R3HDM1: variants seen among roughly 807,000 people sequenced by gnomAD.
The protein encoded by R3HDM1 is R3H domain containing 1, also known as R3H domain-containing protein 1.
R3HDM1 carries 46 observed loss-of-function variants against 141.1 expected under a neutral mutation model. That is an observed-to-expected ratio of 0.33 (90% confidence interval 0.26 to 0.42). R3HDM1 has a LOEUF of 0.42. R3HDM1 is among the 10% of genes least tolerant of loss of function. The probability of loss-of-function intolerance (pLI) is 1.00; values close to 1 mark genes in which losing one functional copy is unlikely to be tolerated. For synonymous variants in R3HDM1, 435 were observed against 472.9 expected, an observed-to-expected ratio of 0.92 and a Z score of 1.04; for missense variants, 1,184 against 1,368.3, an observed-to-expected ratio of 0.87 and a Z score of 2.12.
At chr2:135,615,696 A>T (rs1350214363) in intron 3 of R3HDM1, among the ~76,000 whole-genome samples, 1 of 152,020 alleles carries the variant, frequency 6.6e-6, no homozygotes, top group Non-Finnish European at 1.5e-5. Flanking sequence ...TTGTGGTTGG[A>T]CTCTGACTTA....
chr2:135,604,357 C>T (rs2059869986), intron 2 of R3HDM1, among the ~76,000 whole-genome samples: 1 of 152,168 alleles, frequency 6.6e-6, no homozygotes, highest in South Asian at 2.1e-4. Context: ...TATTCTCCAG[C>T]CATTACCTTC....
chr2:135,575,657 C>G (rs1451311701), intron 1 of R3HDM1, among the ~76,000 whole-genome samples: 1 of 152,158 alleles, frequency 6.6e-6, no homozygotes, highest in Non-Finnish European at 1.5e-5. Context: ...AGCAGTCAGT[C>G]ACAATGGTAG....
chr2:135,655,936 T>C (rs577452725), intron 18 of R3HDM1, among the ~76,000 whole-genome samples: 1 of 152,334 alleles, frequency 6.6e-6, no homozygotes, highest in South Asian at 2.1e-4. Flanking sequence ...GTCTCTTTGA[T>C]ATTATTGCCA....
intron 1 of R3HDM1, among the ~76,000 whole-genome samples, chr2:135,589,707 A>C (rs1316047911): frequency 1.3e-5 from 2 of 152,026 alleles, no homozygotes; most frequent in African/African-American, 4.8e-5. Flanking sequence ...ATATGTTTCC[A>C]CAGTTTTAGT....
chr2:135,622,570 AG>A (rs2061614063), intron 6 of R3HDM1, 83 bp from the exon 7 acceptor site: 4 of 1,410,888 alleles, frequency 2.8e-6, no homozygotes, highest in Non-Finnish European at 3.7e-6. Flanking sequence ...GTTTTATTTA[AG>A]ATATATATAC....
At chr2:135,665,515 G>C (rs944202345) in intron 19 of R3HDM1, 1 of 521,232 alleles carries the variant, frequency 1.9e-6, no homozygotes, top group Non-Finnish European at 4.0e-6. Flanking sequence ...CTGCTTTTTT[G>C]CTTTTTTTAA....
chr2:135,661,506 C>T, intron 19 of R3HDM1, 113 bp downstream of exon 19: 1 of 1,310,286 alleles, frequency 7.6e-7, no homozygotes, highest in Middle Eastern at 1.9e-4. Context: ...CGAATATGTT[C>T]ATACATATGA....
At chr2:135,716,478 CA>C (rs2076160859) in intron 24 of R3HDM1, among the ~76,000 whole-genome samples, 1 of 152,038 alleles carries the variant, frequency 6.6e-6, no homozygotes, top group African/African-American at 2.4e-5. Context: ...ATATGGAAAC[CA>C]TTTTATTTCC....
At chr2:135,680,487 C>T (rs139522000) in intron 21 of R3HDM1, among the ~76,000 whole-genome samples, 163 bp downstream of exon 21, 212 of 152,268 alleles carry the variant, frequency 1.4e-3, no homozygotes, top group Middle Eastern at 0.014. Flanking sequence ...ATATTTCTTT[C>T]GGCTAGGTAC....
rs1335188166 is a variant in R3HDM1, at chr2:135,604,884, T to C, written c.39T>C (p.Thr13=). The change falls in exon 3 of 27, where the codon ACT becomes ACC. Residue 13 remains threonine, a synonymous_variant. Transcript: ENST00000683871. ...MSDTVTVKDE[T]ATMKDLEAEV... ...ATACTGTTACTGTAAAAGATGAAAC[T>C]GCAACAATGAAGGATTTGGAGGCAG... 1 of 1,611,458 alleles carries C rather than the reference T, an allele frequency of 6.2e-7. No individual in the cohort carries two copies. The highest frequency in any genetic ancestry group is 2.2e-5 in the East Asian group (1 of 44,776).
At chr2:135,688,957 T>G (rs2071865466) in intron 21 of R3HDM1, among the ~76,000 whole-genome samples, 1 of 152,158 alleles carries the variant, frequency 6.6e-6, no homozygotes, top group Non-Finnish European at 1.5e-5. Flanking sequence ...CTGCAGAGTT[T>G]TTACATTTCT....
chr2:135,660,561 C>T (rs1324718949), intron 18 of R3HDM1, among the ~76,000 whole-genome samples: 1 of 152,044 alleles, frequency 6.6e-6, no homozygotes, highest in Non-Finnish European at 1.5e-5. Context: ...TTTTAAAATA[C>T]TCGCCCAGGC....
At chr2:135,588,779 CATAAG>C (rs1708536692) in intron 1 of R3HDM1, among the ~76,000 whole-genome samples, 1 of 152,072 alleles carries the variant, frequency 6.6e-6, no homozygotes, top group South Asian at 2.1e-4. Context: ...TTTAAGGATA[CATAAG>C]ATAATACCCC....
At chr2:135,569,741 T>TGTTG (rs1559141588) in intron 1 of R3HDM1, among the ~76,000 whole-genome samples, 1 of 150,400 alleles carries the variant, frequency 6.6e-6, no homozygotes, top group African/African-American at 2.5e-5. Flanking sequence ...TGTTGTTTTT[T>TGTTG]TTGGAGAGGG....
At chr2:135,704,047 C>G (rs980799766) in intron 21 of R3HDM1, among the ~76,000 whole-genome samples, 1 of 152,170 alleles carries the variant, frequency 6.6e-6, no homozygotes, top group Non-Finnish European at 1.5e-5. Context: ...GTGGTGTGAT[C>G]TCAGCTCACT....
At chr2:135,544,858 G>A (rs959956893) in intron 1 of R3HDM1, among the ~76,000 whole-genome samples, 1 of 152,120 alleles carries the variant, frequency 6.6e-6, no homozygotes, top group Non-Finnish European at 1.5e-5. Context: ...CCAGCTACTG[G>A]GGAGGCTGAG....
chr2:135,667,613 GA>G lies in R3HDM1; in HGVS notation c.2152+6222del, dbSNP rs1415549388. ...AATATACTAAAATATACTTTTTAGT[GA>G]AGAAAGAATAATTTATGTGGTAGCC... On this transcript the variant is annotated intron_variant, in intron 19 of 26. Coordinates refer to ENST00000683871, the MANE Select transcript of R3HDM1 (RefSeq NM_001378107.1). 9 of 965,390 alleles carry G rather than the reference GA, an allele frequency of 9.3e-6. No individual in the cohort carries two copies. The African/African-American group carries it at 1.6e-4, about 17-fold the overall frequency. 59.8% of individuals were successfully genotyped at this position (965,390 alleles called of 1,614,324 possible).
chr2:135,561,619 C>G (rs1485751515), intron 1 of R3HDM1, among the ~76,000 whole-genome samples: 2 of 151,722 alleles, frequency 1.3e-5, no homozygotes. Flanking sequence ...TCAGGAGGCT[C>G]AGTTGGAAGC....
At chr2:135,545,751 G>T (rs961219375) in intron 1 of R3HDM1, among the ~76,000 whole-genome samples, 1 of 152,102 alleles carries the variant, frequency 6.6e-6, no homozygotes, top group Non-Finnish European at 1.5e-5. Flanking sequence ...AGTGGATTTG[G>T]GGGGACACTT....
Sources: gnomAD v4.1 joint callset for allele counts (sites outside exome capture counted in the v4.1 genomes callset) on GRCh38, gnomAD v4.1.1 for gene constraint, MANE v1.5 for transcripts, NCBI Gene and HGNC (gene_info 2026-07-23, HGNC 2026-07-21) for gene names.